Variants in HS2ST1 observed in about 807,000 individuals in gnomAD.
The protein encoded by HS2ST1 is heparan sulfate 2-O-sulfotransferase 1, also known as 2-O-sulfotransferase.
A neutral mutation model predicts 42.9 loss-of-function variants in HS2ST1; 18 were observed. That is an observed-to-expected ratio of 0.42 (90% CI 0.29 to 0.62). HS2ST1 has a LOEUF of 0.62. Ranked by LOEUF, HS2ST1 falls within the 20% of genes least tolerant of loss-of-function variation. HS2ST1 has a pLI of 0.21. For missense variants in HS2ST1, 334 were observed against 433.8 expected, an observed-to-expected ratio of 0.77 and a Z score of 2.04; for synonymous variants, 146 against 152.9, an observed-to-expected ratio of 0.95 and a Z score of 0.33.
intron 1 of HS2ST1, among the ~76,000 whole-genome samples, chr1:86,974,625 T>C (rs1648339465): frequency 1.3e-5 from 2 of 152,182 alleles, no homozygotes; most frequent in African/African-American, 2.4e-5. Context: ...AACAGTCTTG[T>C]GGGACTGAAC....
intron 1 of HS2ST1, among the ~76,000 whole-genome samples, chr1:87,058,935 T>C (rs1651046964): frequency 6.6e-6 from 1 of 151,876 alleles, no homozygotes. Flanking sequence ...AGCAGGTGCC[T>C]GTAGTCCCAG....
intron 1 of HS2ST1, among the ~76,000 whole-genome samples, chr1:87,038,440 A>G (rs2100602245): frequency 6.6e-6 from 1 of 152,266 alleles, no homozygotes; most frequent in African/African-American, 2.4e-5. Flanking sequence ...TACTGTTGTA[A>G]AACATTTTCA....
At chr1:87,091,773 G>T (rs1284290341) in intron 3 of HS2ST1, among the ~76,000 whole-genome samples, 2 of 152,026 alleles carry the variant, frequency 1.3e-5, no homozygotes, top group Non-Finnish European at 2.9e-5. Context: ...TGGGACAAGG[G>T]TGTATAATAA....
intron 1 of HS2ST1, among the ~76,000 whole-genome samples, chr1:87,002,865 T>C (rs1649331841): frequency 1.3e-5 from 2 of 152,214 alleles, no homozygotes; most frequent in East Asian, 1.9e-4. Flanking sequence ...GTCTAGAATG[T>C]AGATATGGAA....
intron 1 of HS2ST1, among the ~76,000 whole-genome samples, chr1:87,072,134 G>C (rs1651428123): frequency 6.6e-6 from 1 of 152,126 alleles, no homozygotes; most frequent in Non-Finnish European, 1.5e-5. Flanking sequence ...CCACATAGCA[G>C]ATAGGTAATT....
chr1:86,999,334 A>T (rs1649206952), intron 1 of HS2ST1, among the ~76,000 whole-genome samples: 1 of 152,086 alleles, frequency 6.6e-6, no homozygotes, highest in Non-Finnish European at 1.5e-5. Flanking sequence ...ATGCACCGCC[A>T]TGCCCAGCTA....
At chr1:87,058,900 A>G (rs1651046023) in intron 1 of HS2ST1, among the ~76,000 whole-genome samples, 1 of 151,682 alleles carries the variant, frequency 6.6e-6, no homozygotes, top group South Asian at 2.1e-4. Flanking sequence ...TCTACTAAAA[A>G]TACAAAAAAT....
intron 1 of HS2ST1, among the ~76,000 whole-genome samples, chr1:87,050,831 A>G (rs1236331848): frequency 6.6e-6 from 1 of 152,038 alleles, no homozygotes; most frequent in East Asian, 1.9e-4. Flanking sequence ...ACTTTCTCCT[A>G]CAGAGTCTTG....
Position 87,097,857 on chromosome 1 carries a change from C to A in HS2ST1, c.608C>A (p.Ala203Glu), listed in dbSNP as rs776738678. The A allele has an allele frequency of 6.2e-7, 1 of 1,613,924 alleles. No individual in the cohort carries two copies. Among genetic ancestry groups the A allele is most frequent in the East Asian group, 2.2e-5 (1 of 44,864 alleles). The change falls in exon 5 of 7, where the codon GCA becomes GAA. Residue 203 changes from alanine to glutamate, a missense_variant. Coordinates refer to ENST00000370550, the MANE Select transcript of HS2ST1 (RefSeq NM_012262.4). Reference protein sequence around the residue: ...GDKKTFDECVAEGGSDCAPEK... With the variant: ...GDKKTFDECVEEGGSDCAPEK... The stretch of plus-strand genomic sequence containing the variant: ...TTCTAGACCTTTGATGAATGTGTAG[C>A]AGAAGGTGGCTCAGACTGTGCTCCA...
At chr1:87,077,367 G>A (rs761143104) in intron 2 of HS2ST1, among the ~76,000 whole-genome samples, 8 of 152,070 alleles carry the variant, frequency 5.3e-5, no homozygotes, top group Non-Finnish European at 1.0e-4. Context: ...CATTGAATAC[G>A]CCAAGCCTTT....
rs865794815 is a variant in HS2ST1 at position 86,963,755 on chromosome 1, C to G, written c.124+48595C>G. On this transcript the variant is annotated intron_variant, in intron 1 of 6. Transcript: ENST00000370550. ...GGCCAGGCAGAGGCGCCCCCCCCCC[C>G]ACCTCCCGGACGGGGCAGCTGGCCG... Among the ~76,000 whole-genome samples, 662 of 123,550 alleles carry G rather than the reference C, an allele frequency of 5.4e-3. 4 individuals carry two copies. The highest frequency in any genetic ancestry group is 0.027 in the Middle Eastern group (6 of 224). 81.1% of individuals were successfully genotyped at this position (123,550 alleles called of 152,430 possible). A position where few individuals can be genotyped will look rare whatever the true frequency, so the allele number is the denominator to read the frequency against.
chr1:86,986,274 C>T (rs1476578287), intron 1 of HS2ST1, among the ~76,000 whole-genome samples: 3 of 152,010 alleles, frequency 2.0e-5, no homozygotes, highest in African/African-American at 7.2e-5. Context: ...AAGGCCTTTT[C>T]TGGACTGTGT....
chr1:86,973,064 C>G (rs1162379104), intron 1 of HS2ST1, among the ~76,000 whole-genome samples: 1 of 152,152 alleles, frequency 6.6e-6, no homozygotes, highest in Non-Finnish European at 1.5e-5. Flanking sequence ...ACCTTGATCA[C>G]TTGTTAAGGT....
intron 1 of HS2ST1, among the ~76,000 whole-genome samples, chr1:87,069,723 T>C (rs887836681): frequency 6.6e-6 from 1 of 152,208 alleles, no homozygotes; most frequent in Admixed American, 6.5e-5. Flanking sequence ...TGCATGTAAA[T>C]ACTATTTGAA....
intron 1 of HS2ST1, among the ~76,000 whole-genome samples, chr1:87,065,131 C>T (rs188592868): frequency 6.6e-6 from 1 of 152,216 alleles, no homozygotes; most frequent in Non-Finnish European, 1.5e-5. Flanking sequence ...AATAGCCTCA[C>T]AACAGCTTTC....
chr1:86,937,488 G>A (rs936451383), intron 1 of HS2ST1, among the ~76,000 whole-genome samples: 2 of 152,132 alleles, frequency 1.3e-5, no homozygotes, highest in Non-Finnish European at 1.5e-5. Flanking sequence ...ACTTTAAGAT[G>A]ATGTCAAAGT....
intron 1 of HS2ST1, among the ~76,000 whole-genome samples, chr1:86,963,804 CCCCCT>C (rs1386018325): frequency 6.8e-6 from 1 of 146,660 alleles, no homozygotes; most frequent in Non-Finnish European, 1.5e-5. Context: ...CCCCACCTCC[CCCCCT>C]GGACGGGGCG....
intron 1 of HS2ST1, among the ~76,000 whole-genome samples, chr1:86,989,185 A>G (rs1379913161): frequency 1.3e-5 from 2 of 152,242 alleles, no homozygotes; most frequent in Non-Finnish European, 2.9e-5. Context: ...AATTTAGTTC[A>G]GTAGACAGTC....
intron 1 of HS2ST1, among the ~76,000 whole-genome samples, chr1:86,949,203 G>T (rs1647429249): frequency 6.6e-6 from 1 of 152,022 alleles, no homozygotes; most frequent in South Asian, 2.1e-4. Flanking sequence ...CTGCCTCCTG[G>T]GTTCAAGTGA....
Sources: gnomAD v4.1 joint callset for allele counts (sites outside exome capture counted in the v4.1 genomes callset) on GRCh38, gnomAD v4.1.1 for gene constraint, MANE v1.5 for transcripts, NCBI Gene and HGNC (gene_info 2026-07-23, HGNC 2026-07-21) for gene names.